CHD5: variants seen among roughly 807,000 people sequenced by gnomAD.
CHD5 encodes the protein chromodomain helicase DNA binding protein 5, also known as ATP-dependent chromatin remodeler CHD5.
CHD5 carries 69 observed loss-of-function variants against 230.3 expected under a neutral mutation model. That is an observed-to-expected ratio of 0.30 (90% CI 0.25 to 0.37). CHD5 has a LOEUF of 0.37. Among genes scored for constraint, CHD5 ranks in the 10% least tolerant of loss-of-function variants. The pLI, the probability that CHD5 is intolerant of heterozygous loss-of-function variation, is 1.00. For missense variants in CHD5, 1,827 were observed against 2,622.8 expected (o/e 0.70, Z 6.63); for synonymous variants, 1,064 against 1,065.9 (o/e 1.00, Z 0.03).
At position 6,131,834 on chromosome 1, in the gene CHD5, A is replaced by G; in HGVS notation, c.3145-86T>C. Reference sequence around the variant, plus strand: ...GCGGGGACCCCGCCACAGGCAGGGGAGGAGAGAGCTGCCTGCTAGGTGGGG... The same window carrying G: ...GCGGGGACCCCGCCACAGGCAGGGGGGGAGAGAGCTGCCTGCTAGGTGGGG... On this transcript the variant is annotated intron_variant, in intron 20 of 41. Transcript: ENST00000262450. The surrounding 1 kb of genome is among the most constrained non-coding windows in gnomAD (Gnocchi z 5.0). 1.3e-6 allele frequency: 1 copy of G among 767,358 alleles called. No individual in the cohort carries two copies. The highest frequency in any genetic ancestry group is 2.3e-6 in the Non-Finnish European group (1 of 439,832). The allele number at this position is 767,358 out of a possible 1,614,324, so 47.5% of individuals were successfully genotyped here. A position where few individuals can be genotyped will look rare whatever the true frequency, so the allele number is the denominator to read the frequency against.
At chr1:6,174,618 G>A (rs1667391643) in intron 1 of CHD5, among the ~76,000 whole-genome samples, 1 of 151,532 alleles carries the variant, frequency 6.6e-6, no homozygotes, top group South Asian at 2.1e-4. Context: ...ACGAATGGAT[G>A]GTGGATAGAT....
chr1:6,124,181 G>T, intron 30 of CHD5, 74 bp from the exon 31 acceptor site: 1 of 1,370,028 alleles, frequency 7.3e-7, no homozygotes, highest in South Asian at 1.3e-5. Flanking sequence ...AGGGCCTCAG[G>T]GCAGCCAGGG....
intron 20 of CHD5, among the ~76,000 whole-genome samples, chr1:6,132,680 C>G (rs1666676726): frequency 6.6e-6 from 1 of 152,178 alleles, no homozygotes. Context: ...TATCAATGTT[C>G]TCTTCAACAG....
At chr1:6,119,988 G>A (rs1666444111) in intron 33 of CHD5, among the ~76,000 whole-genome samples, 1 of 151,900 alleles carries the variant, frequency 6.6e-6, no homozygotes, top group Non-Finnish European at 1.5e-5. Flanking sequence ...AGTCTCCTGA[G>A]TAGCTGGGAC....
At chr1:6,156,123 C>G (rs1258989960) in intron 3 of CHD5, among the ~76,000 whole-genome samples, 3 of 152,234 alleles carry the variant, frequency 2.0e-5, no homozygotes, top group Non-Finnish European at 4.4e-5. Context: ...AGAACTTGCC[C>G]TCTGTGGGGA....
intron 2 of CHD5, 110 bp from the exon 3 acceptor site, chr1:6,159,625 C>A: frequency 2.4e-6 from 2 of 820,646 alleles, no homozygotes; most frequent in Non-Finnish European, 3.8e-6. Context: ...GGGGATCGAC[C>A]GATCCCCATC....
Position 6,104,835 on chromosome 1 carries a change from G to A in CHD5, c.*639C>T, listed in dbSNP as rs1032309874. The A allele has an allele frequency of 1.3e-5, 2 of 153,070 alleles. No individual in the cohort carries two copies. Among genetic ancestry groups the A allele is most frequent in the African/African-American group, 4.8e-5 (2 of 41,456 alleles). 9.5% of individuals were successfully genotyped at this position (153,070 alleles called of 1,614,324 possible). On this transcript the variant is annotated 3_prime_UTR_variant, in exon 42 of 42. Coordinates refer to ENST00000262450, the MANE Select transcript of CHD5 (RefSeq NM_015557.3). ...AGGAAGGAGGGGAAATGTCAGCCAGGGTCTCACCATAGGGCTGGACAGCGG... is the reference window on the plus strand; with the variant it reads ...AGGAAGGAGGGGAAATGTCAGCCAGAGTCTCACCATAGGGCTGGACAGCGG...
rs17029210 is a variant in CHD5, at chr1:6,135,530, A to G, written c.2697-127T>C. The G allele has an allele frequency of 1.5e-3, 1,127 of 764,990 alleles. 7 individuals carry two copies. The African/African-American group carries it at 0.016, about 11-fold the overall frequency. The allele number at this position is 764,990 out of a possible 1,614,324, so 47.4% of individuals were successfully genotyped here. A position where few individuals can be genotyped will look rare whatever the true frequency, so the allele number is the denominator to read the frequency against. ...AGGGAGCCCTGGCATTGCCCTGGATATCGTCTCAATTTCTGTCTAAGCCTG... is the reference window on the plus strand; with the variant it reads ...AGGGAGCCCTGGCATTGCCCTGGATGTCGTCTCAATTTCTGTCTAAGCCTG... On this transcript the variant is annotated intron_variant, in intron 17 of 41. Coordinates refer to ENST00000262450, the MANE Select transcript of CHD5 (RefSeq NM_015557.3).
At position 6,180,028 on chromosome 1, in the gene CHD5, G is replaced by C; in HGVS notation, c.-5C>G. The C allele has an allele frequency of 7.6e-7, 1 of 1,322,254 alleles. No individual in the cohort carries two copies. Among genetic ancestry groups the C allele is most frequent in the Non-Finnish European group, 9.8e-7 (1 of 1,021,034 alleles). 81.9% of individuals were successfully genotyped at this position (1,322,254 alleles called of 1,614,324 possible). ...GGTGCCCACTGGGCCCCGCATGCCC[G>C]GCGCGGGGAGGAGGGGAGGTGGGCG... On this transcript the variant is annotated 5_prime_UTR_variant, in exon 1 of 42. Coordinates refer to ENST00000262450, the MANE Select transcript of CHD5 (RefSeq NM_015557.3).
intron 1 of CHD5, among the ~76,000 whole-genome samples, chr1:6,171,519 A>C (rs1282524115): frequency 6.8e-6 from 1 of 147,938 alleles, no homozygotes; most frequent in African/African-American, 2.6e-5. Context: ...CCCCCCCAAC[A>C]CCTCACACGC....
intron 2 of CHD5, among the ~76,000 whole-genome samples, chr1:6,165,522 G>A (rs546570891): frequency 1.3e-5 from 2 of 152,270 alleles, no homozygotes; most frequent in Non-Finnish European, 2.9e-5. Context: ...TGGACCACGA[G>A]GCCTCGGGGT....
intron 31 of CHD5, 78 bp downstream of exon 31, chr1:6,123,870 G>A: frequency 9.6e-7 from 1 of 1,046,960 alleles, no homozygotes; most frequent in African/African-American, 1.7e-5. Flanking sequence ...GTGGGATTGT[G>A]GGTTAGACTA....
chr1:6,137,736 C>T (rs747346040), intron 15 of CHD5, among the ~76,000 whole-genome samples: 1 of 152,254 alleles, frequency 6.6e-6, no homozygotes, highest in Non-Finnish European at 1.5e-5. Context: ...GAAAGGGACC[C>T]TGCACTTGGG....
intron 25 of CHD5, 107 bp downstream of exon 25, chr1:6,127,939 G>T: frequency 9.9e-7 from 1 of 1,014,032 alleles, no homozygotes; most frequent in Non-Finnish European, 1.4e-6. Context: ...TTGGAGGGCT[G>T]GCTGCGGCGG....
In CHD5 at chr1:6,131,931, G is replaced by A. The variant is rs991139246; in HGVS notation, c.3145-183C>T. Among the ~76,000 whole-genome samples, 4 of 152,164 alleles carry A rather than the reference G, an allele frequency of 2.6e-5. No individual in the cohort carries two copies. The highest frequency in any genetic ancestry group is 9.6e-5 in the African/African-American group (4 of 41,452). ...ACAAAGCTTCCAACCTCACCCCTTG[G>A]AGCCAATCCATCCTCCTGCCTAGCC... On this transcript the variant is annotated intron_variant, in intron 20 of 41. Transcript: ENST00000262450. The surrounding 1 kb of genome is among the most constrained non-coding windows in gnomAD (Gnocchi z 5.0).
In CHD5 at chr1:6,112,265, G is replaced by A; in HGVS notation, c.5015C>T (p.Ala1672Val). Residue 1672 changes from alanine (A) to valine (V), a missense_variant, in exon 35 of 42, where the codon GCT (alanine) becomes GTT (valine). Physicochemically the swap from Ala to Val is moderately conservative, Grantham distance 64 (BLOSUM62 0). Transcript: ENST00000262450. The stretch of plus-strand genomic sequence containing the variant: ...TGTTTCAATGGGCTCCTTCTCCTCA[G>A]CCTTGGTGTCATCTGCCGGGGACAG... ...SSELRPDDTK[A>V]EEKEPIETQQ... is the part of the protein sequence containing the mutation. 6.2e-7 allele frequency: 1 copy of A among 1,614,070 alleles called. No individual in the cohort carries two copies. Among genetic ancestry groups the A allele is most frequent in the Non-Finnish European group, 8.5e-7 (1 of 1,179,994 alleles).
intron 3 of CHD5, among the ~76,000 whole-genome samples, chr1:6,158,939 G>A (rs1309253290): frequency 5.9e-5 from 8 of 136,394 alleles, no homozygotes; most frequent in South Asian, 2.5e-4. Flanking sequence ...CCCGGGAGGC[G>A]AAGCTTGCAG....
Position 6,152,444 on chromosome 1 carries a change from C to G in CHD5, c.838G>C (p.Gly280Arg), listed in dbSNP as rs755867591. 1.9e-6 allele frequency: 3 copies of G among 1,614,042 alleles called. No homozygotes were observed. Among genetic ancestry groups the G allele is most frequent in the Non-Finnish European group, 2.5e-6 (3 of 1,180,026 alleles). The change falls in exon 6 of 42, where the codon GGG (glycine) becomes CGG (arginine). Residue 280 changes from glycine (G) to arginine (R), a missense_variant. Around this residue, in one of 14 missense-constraint regions of CHD5, gnomAD observed 657 missense variants for 816.4 expected, o/e 0.80. Coordinates refer to ENST00000262450, the MANE Select transcript of CHD5 (RefSeq NM_015557.3). ...KTAGLKFRFG[G>R]ISNKRKKGSS... ...CCTTTCTTCCTCTTGTTGCTGATCC[C>G]CCCGAAGCGGAACTTGAGCCCGGCC...
chr1:6,105,344 T>G lies in CHD5; in HGVS notation c.*130A>C, dbSNP rs371255350. The G allele has an allele frequency of 2.1e-6, 1 of 468,230 alleles. No individual in the cohort carries two copies. The highest frequency in any genetic ancestry group is 4.4e-6 in the Non-Finnish European group (1 of 225,922). The allele number at this position is 468,230 out of a possible 1,614,324, so 29.0% of individuals were successfully genotyped here. On this transcript the variant is annotated 3_prime_UTR_variant, in exon 42 of 42. Transcript: ENST00000262450. The surrounding 1 kb of genome is among the most constrained non-coding windows in gnomAD (Gnocchi z 4.8). ...GTGATGGCATTACTAGGTTTCCCTT[T>G]TTGTCCCAAGGTGGCGCTGGCTCCT...
Sources: allele counts gnomAD v4.1 joint callset (sites outside exome capture counted in the v4.1 genomes callset), GRCh38; gene constraint gnomAD v4.1.1; regional missense constraint gnomAD v4.1.1; non-coding constraint Gnocchi (gnomAD v3.1); transcripts MANE v1.5; gene names NCBI Gene and HGNC (gene_info 2026-07-23, HGNC 2026-07-21).